The following PXDNL variants were observed in gnomAD, a reference collection of about 807,000 sequenced individuals.
PXDNL encodes peroxidasin like.
A neutral mutation model predicts 150.8 loss-of-function variants in PXDNL; 145 were observed. The ratio of observed to expected loss-of-function variants is 0.96; its 90% CI spans 0.84 to 1.10. The LOEUF is 1.10. PXDNL is among the 50% of genes least tolerant of loss of function. The pLI, the probability that PXDNL is intolerant of heterozygous loss-of-function variation, is 0.00. For synonymous variants in PXDNL, 757 were observed against 725.7 expected (o/e 1.04, Z -0.69); for missense variants, 2,087 against 1,873.9 (o/e 1.11, Z -2.10).
chr8:51,589,708 G>A (rs1813400552), intron 3 of PXDNL, among the ~76,000 whole-genome samples: 1 of 152,170 alleles, frequency 6.6e-6, no homozygotes, highest in Non-Finnish European at 1.5e-5. Flanking sequence ...AAAGAGCAGA[G>A]CACTCAGGTT....
chr8:51,744,027 AGG>A (rs2036938518), intron 1 of PXDNL, among the ~76,000 whole-genome samples: 1 of 89,036 alleles, frequency 1.1e-5, no homozygotes, highest in African/African-American at 4.4e-5. Flanking sequence ...AAAGAAGAAG[AGG>A]GAAGGAAGGA....
chr8:51,489,866 T>C (rs1810850237), intron 5 of PXDNL, among the ~76,000 whole-genome samples: 1 of 152,148 alleles, frequency 6.6e-6, no homozygotes, highest in African/African-American at 2.4e-5. Flanking sequence ...TTCTTCAACA[T>C]GTATTCCAGC....
intron 4 of PXDNL, among the ~76,000 whole-genome samples, chr8:51,519,630 C>T (rs1811617118): frequency 6.6e-6 from 1 of 152,162 alleles, no homozygotes; most frequent in East Asian, 1.9e-4. Flanking sequence ...TGGAAGGGCT[C>T]AAGCTGGAAT....
chr8:51,729,520 G>A (rs1816878484), intron 1 of PXDNL, among the ~76,000 whole-genome samples: 1 of 152,240 alleles, frequency 6.6e-6, no homozygotes, highest in Admixed American at 6.5e-5. Context: ...AGGATGCTGA[G>A]CAGCAGAGAC....
rs570393765 is a variant in PXDNL, at chr8:51,457,639, G to A, written c.841C>T (p.Arg281Ter). 5.3e-5 allele frequency: 86 copies of A among 1,613,276 alleles called. No individual in the cohort carries two copies. Among genetic ancestry groups the A allele is most frequent in the Non-Finnish European group, 6.6e-5 (78 of 1,179,600 alleles). The change falls in exon 9 of 23, where the codon CGA becomes TGA. Residue 281 changes from arginine (R) to a stop codon, truncating the protein, a stop_gained. Transcript: ENST00000356297. LOFTEE classifies it high-confidence loss of function. ...NHSLDLEDDTRLNVFDDGTLM... is the reference protein window; with the variant it reads ...NHSLDLEDDT ...GTGCCATCATCAAACACATTAAGTC[G>A]AGTATCATCTTCCAAATCCAATGAG...
chr8:51,389,575 T>G (rs185975462), intron 17 of PXDNL, among the ~76,000 whole-genome samples: 87 of 152,312 alleles, frequency 5.7e-4, no homozygotes, highest in Admixed American at 9.8e-4. Flanking sequence ...AACCTCAACT[T>G]CTGATCCCTC....
At chr8:51,645,289 CCACCAATT>C (rs1814893281) in intron 2 of PXDNL, among the ~76,000 whole-genome samples, 1 of 152,132 alleles carries the variant, frequency 6.6e-6, no homozygotes, top group South Asian at 2.1e-4. Context: ...TGTCCTCAGG[CCACCAATT>C]CATGCTTATC....
chr8:51,648,277 G>A (rs1814965797), intron 2 of PXDNL, among the ~76,000 whole-genome samples: 1 of 152,202 alleles, frequency 6.6e-6, no homozygotes. Flanking sequence ...AAGGAAAAGG[G>A]ATCTTCGGGG....
At chr8:51,606,062 AAGAC>A (rs1185018004) in intron 2 of PXDNL, among the ~76,000 whole-genome samples, 1 of 151,646 alleles carries the variant, frequency 6.6e-6, no homozygotes, top group Admixed American at 6.6e-5. Flanking sequence ...AAAATAGACT[AAGAC>A]AGATCTCTTT....
At chr8:51,640,455 C>T (rs1045933751) in intron 2 of PXDNL, among the ~76,000 whole-genome samples, 2 of 152,152 alleles carry the variant, frequency 1.3e-5, no homozygotes, top group African/African-American at 4.8e-5. Flanking sequence ...CTAGAAAACC[C>T]CATTGTCTCA....
At chr8:51,717,873 G>A (rs536428039) in intron 1 of PXDNL, among the ~76,000 whole-genome samples, 37 of 152,336 alleles carry the variant, frequency 2.4e-4, no homozygotes, top group African/African-American at 8.2e-4. Flanking sequence ...GCCACCACCA[G>A]AGTCAGCTGC....
At chr8:51,658,352 A>G (rs938741511) in intron 1 of PXDNL, among the ~76,000 whole-genome samples, 8 of 119,838 alleles carry the variant, frequency 6.7e-5, no homozygotes, top group Non-Finnish European at 1.2e-4. Flanking sequence ...AAGAAAAAAA[A>G]AAAAAAAAAG....
chr8:51,385,320 A>C (rs1282463853), intron 17 of PXDNL, among the ~76,000 whole-genome samples: 3 of 152,054 alleles, frequency 2.0e-5, no homozygotes, highest in Admixed American at 2.0e-4. Flanking sequence ...GAAGCAGAAA[A>C]ATAGCTAAAA....
chr8:51,514,036 G>A (rs952879072), intron 4 of PXDNL, among the ~76,000 whole-genome samples: 2 of 152,174 alleles, frequency 1.3e-5, no homozygotes, highest in African/African-American at 4.8e-5. Flanking sequence ...ACAAATTAGA[G>A]GAGGACATTC....
chr8:51,580,346 C>G (rs780140364), intron 3 of PXDNL, among the ~76,000 whole-genome samples: 1 of 152,180 alleles, frequency 6.6e-6, no homozygotes, highest in South Asian at 2.1e-4. Flanking sequence ...TTATTTCTTA[C>G]AGTGGCATGT....
intron 2 of PXDNL, among the ~76,000 whole-genome samples, chr8:51,599,485 A>C (rs890685114): frequency 2.6e-5 from 4 of 151,418 alleles, no homozygotes; most frequent in Non-Finnish European, 5.9e-5. Flanking sequence ...AAAGTCATTC[A>C]GAAACAAGTT....
chr8:51,653,453 T>C (rs1173252724), intron 2 of PXDNL, among the ~76,000 whole-genome samples: 1 of 152,096 alleles, frequency 6.6e-6, no homozygotes, highest in Non-Finnish European at 1.5e-5. Context: ...TGCAGATCTT[T>C]GGGCCCATCC....
chr8:51,678,641 C>A (rs989401262), intron 1 of PXDNL, among the ~76,000 whole-genome samples: 12 of 150,480 alleles, frequency 8.0e-5, no homozygotes, highest in African/African-American at 3.0e-4. Flanking sequence ...ACCGCATATT[C>A]TCACTCATAG....
intron 13 of PXDNL, among the ~76,000 whole-genome samples, chr8:51,426,359 CA>C (rs763311040): frequency 7.2e-5 from 11 of 151,804 alleles, no homozygotes; most frequent in Non-Finnish European, 1.5e-4. Context: ...TTATATGTGT[CA>C]AAACCAATTT....
Sources: gnomAD v4.1 joint callset for allele counts (sites outside exome capture counted in the v4.1 genomes callset) on GRCh38, gnomAD v4.1.1 for gene constraint, MANE v1.5 for transcripts, NCBI Gene and HGNC (gene_info 2026-07-23, HGNC 2026-07-21) for gene names.